Variants in PREX1 observed in about 807,000 individuals in gnomAD.
PREX1 encodes the protein phosphatidylinositol-3,4,5-trisphosphate dependent Rac exchange factor 1, also known as phosphatidylinositol 3,4,5-trisphosphate-dependent Rac exchanger 1 protein.
In PREX1, 41 loss-of-function variants were observed where a neutral mutation model predicts 198.3. That is an observed-to-expected ratio of 0.21 (90% CI 0.16 to 0.27). The LOEUF is 0.27. Among genes scored for constraint, PREX1 ranks in the 10% least tolerant of loss-of-function variants. PREX1 has a pLI of 1.00. For missense variants in PREX1, 1,620 were observed against 2,200.7 expected (o/e 0.74, Z 5.28); for synonymous variants, 843 against 887.2 (o/e 0.95, Z 0.89).
chr20:48,674,074 A>T (rs2089693484), intron 14 of PREX1, among the ~76,000 whole-genome samples: 1 of 152,186 alleles, frequency 6.6e-6, no homozygotes. Context: ...ACTGCATGTG[A>T]TTCTCACGAG....
rs568660734 is a variant in PREX1 at position 48,782,015 on chromosome 20, G to T, written c.220-34135C>A. ...TGAATTTGTACTATACAAAAATCAG[G>T]GGAGCCAATGCTCAGGAGATTTGGA... is the stretch of plus-strand genomic sequence containing the variant. On this transcript the variant is annotated intron_variant, in intron 1 of 39. Transcript: ENST00000371941. 2.6e-5 allele frequency among the ~76,000 whole-genome samples: 4 copies of T among 152,274 alleles called. No homozygotes were observed. In the South Asian group the frequency reaches 8.3e-4, roughly 32 times the overall value.
chr20:48,779,650 G>A (rs755608645), intron 1 of PREX1, among the ~76,000 whole-genome samples: 29 of 152,158 alleles, frequency 1.9e-4, no homozygotes, highest in Non-Finnish European at 4.0e-4. Flanking sequence ...CCAAACAAGG[G>A]AGTACTACTC....
intron 3 of PREX1, among the ~76,000 whole-genome samples, chr20:48,744,446 G>A (rs1401989853): frequency 1.3e-5 from 2 of 152,180 alleles, no homozygotes; most frequent in Non-Finnish European, 2.9e-5. Context: ...CTGTCTGTGA[G>A]GGGGGTCCCA....
At chr20:48,821,356 C>T (rs763677170) in intron 1 of PREX1, among the ~76,000 whole-genome samples, 28 of 152,254 alleles carry the variant, frequency 1.8e-4, no homozygotes, top group South Asian at 2.1e-4. Flanking sequence ...CCTCTGGGGA[C>T]GCAATTTATG....
intron 33 of PREX1, among the ~76,000 whole-genome samples, chr20:48,632,877 C>G (rs1416107672): frequency 6.6e-6 from 1 of 152,194 alleles, no homozygotes; most frequent in Non-Finnish European, 1.5e-5. Flanking sequence ...CAGCTGACAC[C>G]TCCCTTTCGC....
intron 1 of PREX1, among the ~76,000 whole-genome samples, chr20:48,785,966 G>A (rs550566417): frequency 1.6e-4 from 24 of 152,286 alleles, no homozygotes; most frequent in African/African-American, 5.1e-4. Flanking sequence ...TGGATGGGCC[G>A]GTGCCTTCCA....
intron 1 of PREX1, among the ~76,000 whole-genome samples, chr20:48,797,317 C>A (rs911554602): frequency 7.9e-5 from 12 of 151,940 alleles, no homozygotes; most frequent in Admixed American, 7.9e-4. Context: ...GGACAAAGGG[C>A]CAAATGACGG....
intron 2 of PREX1, among the ~76,000 whole-genome samples, chr20:48,746,597 G>A (rs1032376009): frequency 1.3e-5 from 2 of 152,140 alleles, no homozygotes; most frequent in African/African-American, 4.8e-5. Context: ...CCTTTAGGGA[G>A]GGAGGACTGA....
chr20:48,743,989 A>G (rs1568847304), intron 3 of PREX1, among the ~76,000 whole-genome samples: 1 of 139,916 alleles, frequency 7.1e-6, no homozygotes, highest in Non-Finnish European at 1.6e-5. Flanking sequence ...GAAGTGAGTT[A>G]GTGATGATGA....
intron 3 of PREX1, among the ~76,000 whole-genome samples, chr20:48,742,688 C>A (rs562088600): frequency 6.6e-6 from 1 of 152,146 alleles, no homozygotes; most frequent in Non-Finnish European, 1.5e-5. Context: ...AGAGAGGACA[C>A]GGAAAAGAGG....
chr20:48,764,591 T>C (rs1271213418), intron 1 of PREX1, among the ~76,000 whole-genome samples: 1 of 152,056 alleles, frequency 6.6e-6, no homozygotes, highest in Non-Finnish European at 1.5e-5. Flanking sequence ...GAGACCAGCC[T>C]GGCCAACATA....
upstream of PREX1, among the ~76,000 whole-genome samples, chr20:48,831,047 G>C (rs1454709661): frequency 3.3e-5 from 5 of 152,184 alleles, no homozygotes; most frequent in Non-Finnish European, 7.3e-5. Flanking sequence ...ATGTCATCAA[G>C]GATCATGGCA....
chr20:48,808,146 G>T (rs2090420207), intron 1 of PREX1, among the ~76,000 whole-genome samples: 1 of 152,138 alleles, frequency 6.6e-6, no homozygotes, highest in African/African-American at 2.4e-5. Context: ...CAGAGTTGGG[G>T]AACAACGGGG....
chr20:48,804,033 C>G (rs575493696), intron 1 of PREX1, among the ~76,000 whole-genome samples: 1 of 152,222 alleles, frequency 6.6e-6, no homozygotes, highest in Non-Finnish European at 1.5e-5. Flanking sequence ...CCCATTTTCT[C>G]CCCTGGACTG....
chr20:48,837,370 C>T, the PREX1 span, among the ~76,000 whole-genome samples: 7 of 152,254 alleles, frequency 4.6e-5, no homozygotes, highest in East Asian at 7.7e-4. Context: ...CACATACACA[C>T]GTATGTTCAT....
chr20:48,700,620 C>A, intron 7 of PREX1, 133 bp downstream of exon 7: 1 of 1,198,642 alleles, frequency 8.3e-7, no homozygotes, highest in Non-Finnish European at 1.2e-6. Context: ...TGTATTCCTA[C>A]TAGACAGCAC....
At chr20:48,671,258 G>A (rs559597656) in intron 14 of PREX1, among the ~76,000 whole-genome samples, 1 of 152,246 alleles carries the variant, frequency 6.6e-6, no homozygotes, top group South Asian at 2.1e-4. Context: ...CTAATACACA[G>A]AAAGAAAAAA....
At chr20:48,757,192 C>G (rs967699934) in intron 1 of PREX1, among the ~76,000 whole-genome samples, 1 of 152,090 alleles carries the variant, frequency 6.6e-6, no homozygotes, top group African/African-American at 2.4e-5. Flanking sequence ...GAAACAGACA[C>G]CCATTCCCCT....
At chr20:48,780,292 T>A (rs2090282746) in intron 1 of PREX1, among the ~76,000 whole-genome samples, 1 of 152,084 alleles carries the variant, frequency 6.6e-6, no homozygotes. Flanking sequence ...TGAGCCAGAA[T>A]ATCTTGTGGT....
Sources: allele counts gnomAD v4.1 joint callset (sites outside exome capture counted in the v4.1 genomes callset), GRCh38; gene constraint gnomAD v4.1.1; transcripts MANE v1.5; gene names NCBI Gene and HGNC (gene_info 2026-07-23, HGNC 2026-07-21).